TRIM17: variants seen among roughly 807,000 people sequenced by gnomAD.
TRIM17 encodes E3 ubiquitin-protein ligase TRIM17.
Under a neutral mutation model 35.8 loss-of-function variants are expected in TRIM17, and 27 were observed. The ratio of observed to expected loss-of-function variants is 0.75; its 90% CI spans 0.56 to 1.04. The LOEUF (loss-of-function observed/expected upper bound fraction) is 1.04. Ranked by LOEUF, TRIM17 falls within the 50% of genes least tolerant of loss-of-function variation. The pLI is 0.00. For missense variants in TRIM17, 582 were observed against 612.8 expected (o/e 0.95, Z 0.53); for synonymous variants, 246 against 252.6 (o/e 0.97, Z 0.25).
chr1:228,414,660 GCCT>G lies in TRIM17; in HGVS notation c.410_412del (p.Glu137del). 1 of 1,611,478 alleles carries G rather than the reference GCCT, an allele frequency of 6.2e-7. No homozygotes were observed. Among genetic ancestry groups the G allele is most frequent in the Non-Finnish European group, 8.5e-7 (1 of 1,179,964 alleles). Reference sequence around the variant, plus strand: ...GTGGCCTACCTTGTACCCCTGCACTGCCTCCTCGGCGGGCAGCACCCTGTGCAG... The same window carrying G: ...GTGGCCTACCTTGTACCCCTGCACTGCCTCGGCGGGCAGCACCCTGTGCAG... On this transcript the variant is annotated inframe_deletion, in exon 2 of 7. Transcript: ENST00000366698.
intron 4 of TRIM17, 151 bp from the exon 5 acceptor site, chr1:228,409,562 G>C: frequency 2.8e-6 from 2 of 726,678 alleles, no homozygotes; most frequent in Non-Finnish European, 4.4e-6. Context: ...GCACTCCTGA[G>C]CCTTCCCCAC....
chr1:228,413,222 A>G (rs1397187487), intron 3 of TRIM17, among the ~76,000 whole-genome samples: 1 of 152,030 alleles, frequency 6.6e-6, no homozygotes, highest in Non-Finnish European at 1.5e-5. Flanking sequence ...AAAAAAAAAA[A>G]AAAAAAAAAT....
rs1458101532 is a variant in TRIM17, at chr1:228,411,970, A to G, written c.526-794T>C. Among the ~76,000 whole-genome samples the G allele has an allele frequency of 6.6e-6, 1 of 152,184 alleles. No individual in the cohort carries two copies. Among genetic ancestry groups the G allele is most frequent in the African/African-American group, 2.4e-5 (1 of 41,450 alleles). On this transcript the variant is annotated intron_variant, in intron 3 of 6. Coordinates refer to ENST00000366698, the MANE Select transcript of TRIM17 (RefSeq NM_016102.4). The surrounding 1 kb of genome is among the most constrained non-coding windows in gnomAD (Gnocchi z 4.2). ...TCCTAGAAGACCAGACCCAACCAGAATGGAGTCACTGGTGCTAATGAAACC... is the reference window on the plus strand; with the variant it reads ...TCCTAGAAGACCAGACCCAACCAGAGTGGAGTCACTGGTGCTAATGAAACC...
At position 228,411,149 on chromosome 1, in the gene TRIM17, T is replaced by A; in HGVS notation, c.553A>T (p.Ile185Phe). Reference sequence around the variant, plus strand: ...TTCATCTTCTCAAACTCCAGCACAATGCGTTCTCTCCGCTCCTTCACCTTG... The same window carrying A: ...TTCATCTTCTCAAACTCCAGCACAAAGCGTTCTCTCCGCTCCTTCACCTTG... ...QGKVKERRER[I>F]VLEFEKMNLY... The change falls in exon 4 of 7, where the codon ATT (isoleucine) becomes TTT (phenylalanine). Residue 185 changes from isoleucine to phenylalanine, a missense_variant. By Grantham distance (21) the Ile-to-Phe change is conservative. Transcript: ENST00000366698. This position sits in a 1 kb window ranked among gnomAD's most constrained non-coding sequence, Gnocchi z 4.2. The A allele has an allele frequency of 1.2e-6, 2 of 1,612,972 alleles. No individual in the cohort carries two copies. Among genetic ancestry groups the A allele is most frequent in the African/African-American group, 2.7e-5 (2 of 75,002 alleles).
intron 1 of TRIM17, 138 bp from the exon 2 acceptor site, chr1:228,415,251 C>G (rs533294992): frequency 1.5e-6 from 1 of 673,916 alleles, no homozygotes; most frequent in Non-Finnish European, 2.4e-6. Context: ...TTAGCCTTGT[C>G]AACAACAGAC....
In TRIM17 at chr1:228,414,644, C is replaced by G. The variant is rs1476038720; in HGVS notation, c.429G>C (p.Lys143Asn). Residue 143 changes from lysine (K) to asparagine (N), a missense_variant and splice_region_variant, in exon 2 of 7, where the codon AAG (lysine) becomes AAC (asparagine). Coordinates refer to ENST00000366698, the MANE Select transcript of TRIM17 (RefSeq NM_016102.4). ...LPAEEAVQGY[K>N]LKLEEDMEYL... is the part of the protein sequence containing the mutation. The stretch of plus-strand genomic sequence containing the variant: ...TGACCTGGGCCCCGATGTGGCCTAC[C>G]TTGTACCCCTGCACTGCCTCCTCGG... The G allele has an allele frequency of 2.5e-6, 4 of 1,611,150 alleles. No individual in the cohort carries two copies. Among genetic ancestry groups the G allele is most frequent in the Non-Finnish European group, 3.4e-6 (4 of 1,179,836 alleles).
chr1:228,416,017 G>T (rs537760213), intron 1 of TRIM17: 1 of 152,216 alleles, frequency 6.6e-6, no homozygotes, highest in Non-Finnish European at 1.5e-5. Context: ...GCGACCCCAC[G>T]CAGTGGAGAT....
chr1:228,414,570 C>G, intron 2 of TRIM17, 74 bp downstream of exon 2: 1 of 1,351,318 alleles, frequency 7.4e-7, no homozygotes, highest in Non-Finnish European at 1.0e-6. Flanking sequence ...CCTCCCTCCC[C>G]CATGATCTGG....
At chr1:228,415,718 G>C (rs952368275) in intron 1 of TRIM17, 2 of 152,882 alleles carry the variant, frequency 1.3e-5, no homozygotes, top group African/African-American at 4.8e-5. Flanking sequence ...CCATTCGGTA[G>C]TGAGGTGGGG....
intron 1 of TRIM17, chr1:228,415,572 C>G (rs1657063578): frequency 6.5e-6 from 1 of 154,440 alleles, no homozygotes; most frequent in South Asian, 2.0e-4. Context: ...ACATCCCCAG[C>G]TGTCTTTGCT....
At chr1:228,409,604 A>G (rs1381107858) in intron 4 of TRIM17, 193 bp from the exon 5 acceptor site, 2 of 548,902 alleles carry the variant, frequency 3.6e-6, no homozygotes, top group South Asian at 3.2e-5. Context: ...CAGAGCCCCC[A>G]GTGCCTCACC....
rs778345382 is a variant in TRIM17 at position 228,408,543 on chromosome 1, C to T, written c.1092G>A (p.Leu364=). The T allele has an allele frequency of 6.2e-7, 1 of 1,614,138 alleles. No homozygotes were observed. The highest frequency in any genetic ancestry group is 8.5e-7 in the Non-Finnish European group (1 of 1,180,020). Residue 364 remains leucine (L), a synonymous_variant, in exon 7 of 7, where the codon TTG becomes TTA. Coordinates refer to ENST00000366698, the MANE Select transcript of TRIM17 (RefSeq NM_016102.4). This position sits in a 1 kb window ranked among gnomAD's most constrained non-coding sequence, Gnocchi z 6.3. ...EVGMNITGDA[L]WALGVCRDNV... ...TGTCCCTGCACACACCCAGGGCCCA[C>T]AACGCGTCCCCGGTGATGTTCATGC... is the stretch of plus-strand genomic sequence containing the variant.
In TRIM17 at chr1:228,408,532, C is replaced by T. The variant is rs756493662; in HGVS notation, c.1103G>A (p.Gly368Asp). ...NITGDALWAL[G>D]VCRDNVSRKD... ...CCGGCTCACGTTGTCCCTGCACACA[C>T]CCAGGGCCCACAACGCGTCCCCGGT... The change falls in exon 7 of 7, where the codon GGT (glycine) becomes GAT (aspartate). Residue 368 changes from glycine (G) to aspartate (D), a missense_variant. Physicochemically the swap from Gly to Asp is moderately conservative, Grantham distance 94. Coordinates refer to ENST00000366698, the MANE Select transcript of TRIM17 (RefSeq NM_016102.4). This position sits in a 1 kb window ranked among gnomAD's most constrained non-coding sequence, Gnocchi z 6.3. The T allele has an allele frequency of 7.4e-6, 12 of 1,614,016 alleles. No homozygotes were observed. Among genetic ancestry groups the T allele is most frequent in the Non-Finnish European group, 1.0e-5 (12 of 1,180,018 alleles).
At chr1:228,413,981 A>G in intron 2 of TRIM17, 89 bp from the exon 3 acceptor site, 1 of 1,002,282 alleles carries the variant, frequency 1.0e-6, no homozygotes, top group Non-Finnish European at 1.6e-6. Flanking sequence ...AACTGCACCC[A>G]CCCCAGAGAC....
Position 228,408,501 on chromosome 1 carries a change from G to A in TRIM17, c.1134C>T (p.Asp378=). The change falls in exon 7 of 7, where the codon GAC becomes GAT. Residue 378 remains aspartate, a synonymous_variant. Coordinates refer to ENST00000366698, the MANE Select transcript of TRIM17 (RefSeq NM_016102.4). This position sits in a 1 kb window ranked among gnomAD's most constrained non-coding sequence, Gnocchi z 6.3. ...CGTTTTCGGGGCACTTGGGGACCCT[G>A]TCTTTCCGGCTCACGTTGTCCCTGC... is the stretch of plus-strand genomic sequence containing the variant. The part of the protein sequence containing the change: ...GVCRDNVSRK[D]RVPKCPENGF... 1 of 1,614,136 alleles carries A rather than the reference G, an allele frequency of 6.2e-7. No individual in the cohort carries two copies. Among genetic ancestry groups the A allele is most frequent in the South Asian group, 1.1e-5 (1 of 91,084 alleles).
At position 228,415,043 on chromosome 1, in the gene TRIM17, C is replaced by T. The variant is rs1657020183; in HGVS notation, c.30G>A (p.Leu10=). Residue 10 remains leucine, a synonymous_variant, in exon 2 of 7, where the codon CTG becomes CTA. Coordinates refer to ENST00000366698, the MANE Select transcript of TRIM17 (RefSeq NM_016102.4). MEAVELARK[L]QEEATCSICL... is the part of the protein sequence containing the mutation. ...AGATGGAGCACGTAGCTTCCTCCTGCAGTTTTCTGGCGAGTTCCACAGCCT... is the reference window on the plus strand; with the variant it reads ...AGATGGAGCACGTAGCTTCCTCCTGTAGTTTTCTGGCGAGTTCCACAGCCT... 1.2e-6 allele frequency: 2 copies of T among 1,607,084 alleles called. No individual in the cohort carries two copies. The highest frequency in any genetic ancestry group is 3.3e-5 in the Admixed American group (2 of 59,930).
intron 1 of TRIM17, 139 bp downstream of exon 1, chr1:228,416,400 G>T: frequency 1.0e-6 from 1 of 986,560 alleles, no homozygotes; most frequent in Non-Finnish European, 1.2e-6. Context: ...GTTGAAGCGC[G>T]CTAGCCCCTC....
At position 228,410,943 on chromosome 1, in the gene TRIM17, C is replaced by G; in HGVS notation, c.756+3G>C. On this transcript the variant is annotated splice_donor_region_variant and intron_variant, in intron 4 of 6. Coordinates refer to ENST00000366698, the MANE Select transcript of TRIM17 (RefSeq NM_016102.4). This position sits in a 1 kb window ranked among gnomAD's most constrained non-coding sequence, Gnocchi z 4.6. ...ACCCTGCCTGCCAAGCCTACTGGCT[C>G]ACCTGCAGCATCTGGAGGGGCCCCT... 1 of 1,543,106 alleles carries G rather than the reference C, an allele frequency of 6.5e-7. No homozygotes were observed. Among genetic ancestry groups the G allele is most frequent in the Non-Finnish European group, 8.7e-7 (1 of 1,145,302 alleles).
chr1:228,413,758 C>G (rs1240077277), intron 3 of TRIM17, 39 bp downstream of exon 3: 1 of 1,509,386 alleles, frequency 6.6e-7, no homozygotes, highest in Non-Finnish European at 9.2e-7. Context: ...GAAGATGGAG[C>G]AGCAGCAGGA....
Sources: allele counts gnomAD v4.1 joint callset (sites outside exome capture counted in the v4.1 genomes callset), GRCh38; gene constraint gnomAD v4.1.1; non-coding constraint Gnocchi (gnomAD v3.1); transcripts MANE v1.5; gene names NCBI Gene and HGNC (gene_info 2026-07-23, HGNC 2026-07-21).